DLGAP2: variants seen among roughly 807,000 people sequenced by gnomAD.
DLGAP2 encodes disks large-associated protein 2.
Under a neutral mutation model 100.3 loss-of-function variants are expected in DLGAP2, and 26 were observed. That is an observed-to-expected ratio of 0.26 (90% CI 0.19 to 0.36). The LOEUF (loss-of-function observed/expected upper bound fraction) is 0.36. Ranked by LOEUF, DLGAP2 falls within the 10% of genes least tolerant of loss-of-function variation. The pLI is 1.00. For missense variants in DLGAP2, 1,858 were observed against 1,453.2 expected (o/e 1.28, Z -4.53); for synonymous variants, 886 against 630.1 (o/e 1.41, Z -6.08).
intron 3 of DLGAP2, among the ~76,000 whole-genome samples, chr8:1,349,114 G>T (rs1160929500): frequency 1.3e-5 from 2 of 151,470 alleles, no homozygotes; most frequent in Admixed American, 6.6e-5. Context: ...CCGTTTTTAA[G>T]GGGCCAGCAA....
At chr8:1,063,922 C>G (rs1429290064) in intron 2 of DLGAP2, among the ~76,000 whole-genome samples, 1 of 152,166 alleles carries the variant, frequency 6.6e-6, no homozygotes, top group African/African-American at 2.4e-5. Context: ...TGGTGAATCA[C>G]ACTTGCTGTT....
At chr8:1,441,019 G>T (rs1171658364) in intron 3 of DLGAP2, among the ~76,000 whole-genome samples, 1 of 152,124 alleles carries the variant, frequency 6.6e-6, no homozygotes, top group Non-Finnish European at 1.5e-5. Context: ...GGCATACATA[G>T]AAAAATGAAA....
At chr8:1,502,727 G>C (rs966658218) in intron 4 of DLGAP2, among the ~76,000 whole-genome samples, 1 of 152,152 alleles carries the variant, frequency 6.6e-6, no homozygotes. Flanking sequence ...AAATGCACGG[G>C]ACTCATTTGA....
At chr8:1,342,497 G>A (rs1222263496) in intron 3 of DLGAP2, among the ~76,000 whole-genome samples, 3 of 134,200 alleles carry the variant, frequency 2.2e-5, no homozygotes, top group African/African-American at 8.6e-5. Flanking sequence ...GAAGGGCCAA[G>A]TAGTTAATAG....
chr8:1,618,570 T>G (rs1266657612), intron 6 of DLGAP2, among the ~76,000 whole-genome samples: 1 of 152,166 alleles, frequency 6.6e-6, no homozygotes, highest in Non-Finnish European at 1.5e-5. Flanking sequence ...TGTGAAAATG[T>G]GAAGAACCTA....
intron 1 of DLGAP2, among the ~76,000 whole-genome samples, chr8:835,568 G>A (rs1031002633): frequency 6.6e-6 from 1 of 151,536 alleles, no homozygotes. Flanking sequence ...TCCTGTGTCC[G>A]GGGGTTCGTT....
intron 2 of DLGAP2, among the ~76,000 whole-genome samples, chr8:1,020,373 C>G (rs1040604874): frequency 1.3e-5 from 2 of 152,340 alleles, no homozygotes; most frequent in African/African-American, 4.8e-5. Flanking sequence ...TTCAATGGTT[C>G]TGGTTGATTC....
At chr8:1,026,731 C>T (rs1242320342) in intron 2 of DLGAP2, among the ~76,000 whole-genome samples, 1 of 152,158 alleles carries the variant, frequency 6.6e-6, no homozygotes, top group Non-Finnish European at 1.5e-5. Context: ...GCACATGGCT[C>T]AGGTTTCTTA....
chr8:1,043,337 G>A (rs1205547381), intron 2 of DLGAP2, among the ~76,000 whole-genome samples: 2 of 147,080 alleles, frequency 1.4e-5, no homozygotes, highest in East Asian at 4.1e-4. Context: ...ATGGGTGTGG[G>A]TGGTGGGTGT....
intron 1 of DLGAP2, among the ~76,000 whole-genome samples, chr8:809,783 C>T (rs1796337834): frequency 1.3e-5 from 2 of 152,126 alleles, no homozygotes; most frequent in African/African-American, 4.8e-5. Flanking sequence ...GAAGTGCTGC[C>T]ATTCTCCCGG....
intron 2 of DLGAP2, among the ~76,000 whole-genome samples, chr8:1,178,990 C>T (rs1585126399): frequency 6.6e-6 from 1 of 152,322 alleles, no homozygotes; most frequent in South Asian, 2.1e-4. Flanking sequence ...GCTTTAGGTC[C>T]CTACAGATTA....
At chr8:871,224 C>A (rs978077985) in intron 1 of DLGAP2, among the ~76,000 whole-genome samples, 4 of 152,328 alleles carry the variant, frequency 2.6e-5, no homozygotes, top group African/African-American at 9.6e-5. Flanking sequence ...GGTCCAGGGT[C>A]CCCCGTGCAT....
chr8:1,699,686 A>C (rs1799514131), intron 14 of DLGAP2, among the ~76,000 whole-genome samples: 1 of 152,052 alleles, frequency 6.6e-6, no homozygotes, highest in South Asian at 2.1e-4. Context: ...AAGCGAGCAG[A>C]TCTCCAGCAC....
chr8:945,542 G>A (rs1479418832), intron 2 of DLGAP2, among the ~76,000 whole-genome samples: 22 of 152,086 alleles, frequency 1.4e-4, no homozygotes. Context: ...TTCCCTCCCT[G>A]CCCCATCTTT....
At position 834,870 on chromosome 8, in the gene DLGAP2, C is replaced by T. The variant is rs952515664; in HGVS notation, c.19-73042C>T. Among the ~76,000 whole-genome samples the T allele has an allele frequency of 5.9e-5, 9 of 152,234 alleles. No individual in the cohort carries two copies. The East Asian group carries it at 1.4e-3, about 23-fold the overall frequency. ...GTGAACCTACAATAAAGGTTGAAAT[C>T]GTTTAAAAATAAAAACAAAAACAAA... On this transcript the variant is annotated intron_variant, in intron 1 of 14. Coordinates refer to ENST00000637795, the MANE Select transcript of DLGAP2 (RefSeq NM_001346810.2).
At chr8:940,437 G>A (rs112833839) in intron 2 of DLGAP2, among the ~76,000 whole-genome samples, 155 of 152,150 alleles carry the variant, frequency 1.0e-3, no homozygotes, top group African/African-American at 3.4e-3. Flanking sequence ...TTCACCCTGG[G>A]TGGTTCGTCC....
intron 1 of DLGAP2, among the ~76,000 whole-genome samples, chr8:865,335 GCT>G (rs1797473841): frequency 6.6e-6 from 1 of 152,306 alleles, no homozygotes; most frequent in East Asian, 1.9e-4. Flanking sequence ...CATGCCACAG[GCT>G]CATGCTTTTA....
chr8:1,587,833 T>C (rs7002514), intron 6 of DLGAP2, among the ~76,000 whole-genome samples: 80,592 of 152,064 alleles, frequency 0.53, 22,178 homozygotes, highest in African/African-American at 0.69. Context: ...TAAAATACCA[T>C]GATTTTTTTC....
At chr8:1,542,408 C>T (rs1248515232) in intron 4 of DLGAP2, among the ~76,000 whole-genome samples, 2 of 152,238 alleles carry the variant, frequency 1.3e-5, no homozygotes, top group African/African-American at 4.8e-5. Context: ...GCCCTCTCAC[C>T]TACCCTGATG....
Sources: allele counts gnomAD v4.1 joint callset (sites outside exome capture counted in the v4.1 genomes callset), GRCh38; gene constraint gnomAD v4.1.1; transcripts MANE v1.5; gene names NCBI Gene and HGNC (gene_info 2026-07-23, HGNC 2026-07-21).